The following IDE variants were observed in gnomAD, a reference collection of about 807,000 sequenced individuals.
The protein encoded by IDE is insulin-degrading enzyme.
A neutral mutation model predicts 133.2 loss-of-function variants in IDE; 58 were observed. The ratio of observed to expected loss-of-function variants is 0.44; its 90% CI spans 0.35 to 0.54. The LOEUF is 0.54. Ranked by LOEUF, IDE falls within the 20% of genes least tolerant of loss-of-function variation. The pLI is 0.00. For synonymous variants in IDE, 396 were observed against 421.3 expected (o/e 0.94, Z 0.73); for missense variants, 981 against 1,234.0 (o/e 0.79, Z 3.07).
Position 92,461,201 on chromosome 10 carries a change from T to C in IDE, c.2813A>G (p.Lys938Arg), listed in dbSNP as rs755423509. 11 of 1,406,472 alleles carry C rather than the reference T, an allele frequency of 7.8e-6. No homozygotes were observed. The Middle Eastern group carries it at 8.9e-4, about 113-fold the overall frequency. The allele number at this position is 1,406,472 out of a possible 1,614,324, so 87.1% of individuals were successfully genotyped here. A position where few individuals can be genotyped will look rare whatever the true frequency, so the allele number is the denominator to read the frequency against. Reference protein sequence around the residue: ...LKTLTKEDIIKFYKEMLAVDA... With the variant: ...LKTLTKEDIIRFYKEMLAVDA... The stretch of plus-strand genomic sequence containing the variant: ...ATGAATTTGACTTACCTTGTAGAAT[T>C]TGATGATATCTTCCTTGGTAAGTGT... Residue 938 changes from lysine to arginine, a missense_variant, in exon 22 of 25, where the codon AAA becomes AGA. By Grantham distance (26) the Lys-to-Arg change is conservative (BLOSUM62 2). Coordinates refer to ENST00000265986, the MANE Select transcript of IDE (RefSeq NM_004969.4).
At chr10:92,572,960 A>G (rs1297873094) in intron 1 of IDE, 2 of 985,208 alleles carry the variant, frequency 2.0e-6, no homozygotes, top group Non-Finnish European at 2.4e-6. Context: ...GCTCCAATCA[A>G]GTCAAAGTTC....
At position 92,490,544 on chromosome 10, in the gene IDE, C is replaced by G. The variant is rs375432951; in HGVS notation, c.1482G>C (p.Glu494Asp). ...SFEGKTDRTE[E>D]WYGTQYKQEA... Reference sequence around the variant, plus strand: ...CTTGTTTGTACTGGGTTCCATACCACTCTTCTGTGCGATCAGTTTTTCCTT... The same window carrying G: ...CTTGTTTGTACTGGGTTCCATACCAGTCTTCTGTGCGATCAGTTTTTCCTT... Residue 494 changes from glutamate (E) to aspartate (D), a missense_variant, in exon 12 of 25, where the codon GAG becomes GAC. Transcript: ENST00000265986. 1 of 1,613,330 alleles carries G rather than the reference C, an allele frequency of 6.2e-7. No homozygotes were observed. The highest frequency in any genetic ancestry group is 8.5e-7 in the Non-Finnish European group (1 of 1,179,402).
At chr10:92,573,707 C>G (rs1210769676) in intron 1 of IDE, among the ~76,000 whole-genome samples, 3 of 152,232 alleles carry the variant, frequency 2.0e-5, no homozygotes, top group Non-Finnish European at 4.4e-5. Context: ...GGGACGTCCC[C>G]GACTCTGGAC....
At chr10:92,489,416 G>A (rs1335551797) in intron 12 of IDE, among the ~76,000 whole-genome samples, 1 of 152,112 alleles carries the variant, frequency 6.6e-6, no homozygotes, top group African/African-American at 2.4e-5. Flanking sequence ...TGGGCGTGGT[G>A]GCATGCGCCT....
At chr10:92,506,644 T>A in intron 9 of IDE, 122 bp from the exon 10 acceptor site, 2 of 477,152 alleles carry the variant, frequency 4.2e-6, no homozygotes, top group Non-Finnish European at 7.5e-6. Context: ...TATCACACTT[T>A]CTGAAAAAAT....
chr10:92,572,576 C>G (rs1432309477), intron 1 of IDE, among the ~76,000 whole-genome samples: 1 of 152,194 alleles, frequency 6.6e-6, no homozygotes, highest in Non-Finnish European at 1.5e-5. Context: ...CCAGTTCCAT[C>G]AGATAACTTT....
intron 1 of IDE, among the ~76,000 whole-genome samples, chr10:92,541,104 C>A (rs1295813025): frequency 6.6e-6 from 1 of 152,076 alleles, no homozygotes; most frequent in Non-Finnish European, 1.5e-5. Context: ...TACAAAGGAT[C>A]AAGAAAAGCT....
In IDE at chr10:92,508,725, T is replaced by C. The variant is rs369247779; in HGVS notation, c.1060+3A>G. ...CTCAGAAGATGCTGCCCAGGAGACT[T>C]ACCCTTTGACTTAAGTTCTGATAAC... On this transcript the variant is annotated splice_donor_region_variant and intron_variant, in intron 7 of 24. Transcript: ENST00000265986. 9 of 1,613,600 alleles carry C rather than the reference T, an allele frequency of 5.6e-6. No individual in the cohort carries two copies. Among genetic ancestry groups the C allele is most frequent in the Admixed American group, 3.3e-5 (2 of 60,004 alleles).
chr10:92,475,183 C>A (rs1219118566), intron 16 of IDE, among the ~76,000 whole-genome samples: 3 of 152,182 alleles, frequency 2.0e-5, no homozygotes, highest in African/African-American at 7.2e-5. Flanking sequence ...TGTTCAGCAT[C>A]TGACATGGAC....
intron 1 of IDE, among the ~76,000 whole-genome samples, chr10:92,571,232 T>G (rs1187431713): frequency 7.9e-5 from 12 of 152,082 alleles, no homozygotes; most frequent in Admixed American, 3.9e-4. Flanking sequence ...CAGGCTGGTC[T>G]TGAACTCCTG....
At chr10:92,525,156 G>A (rs1232982570) in intron 4 of IDE, among the ~76,000 whole-genome samples, 14 of 151,586 alleles carry the variant, frequency 9.2e-5, no homozygotes, top group African/African-American at 3.2e-4. Flanking sequence ...GGGAGGCTGA[G>A]GCAAGAGAAT....
chr10:92,515,052 A>G lies in IDE; in HGVS notation c.662-10T>C, dbSNP rs17875327. The stretch of plus-strand genomic sequence containing the variant: ...AGAGTATATTTGTTACCTGGAAGGG[A>G]AGAAAAGGGATTTCTTAGAAAAAGC... On this transcript the variant is annotated splice_polypyrimidine_tract_variant and intron_variant, in intron 4 of 24. Coordinates refer to ENST00000265986, the MANE Select transcript of IDE (RefSeq NM_004969.4). 143,843 of 1,568,604 alleles carry G rather than the reference A, an allele frequency of 0.092. 7,869 individuals are homozygous for G. Among genetic ancestry groups the G allele is most frequent in the Non-Finnish European group, 0.1 (121,044 of 1,158,444 alleles).
intron 1 of IDE, among the ~76,000 whole-genome samples, chr10:92,557,553 G>A (rs1165755922): frequency 6.6e-6 from 1 of 151,420 alleles, no homozygotes; most frequent in Non-Finnish European, 1.5e-5. Context: ...CAGATTAATG[G>A]AACAGAACAG....
chr10:92,474,806 G>T lies in IDE; in HGVS notation c.2116+35C>A, dbSNP rs755726938. On this transcript the variant is annotated intron_variant, in intron 17 of 24. Coordinates refer to ENST00000265986, the MANE Select transcript of IDE (RefSeq NM_004969.4). ...ACCAAAATGAATTTAGGAAAAAAAT[G>T]AAGAAAGCATTAAGCTTTAAGTAGA... The T allele has an allele frequency of 5.1e-6, 8 of 1,575,878 alleles. No individual in the cohort carries two copies. In the African/African-American group the frequency reaches 1.1e-4, roughly 22 times the overall value.
chr10:92,556,115 G>A (rs1434278523), intron 1 of IDE, among the ~76,000 whole-genome samples: 2 of 141,526 alleles, frequency 1.4e-5, no homozygotes, highest in Admixed American at 1.5e-4. Context: ...AGAGCTTGCA[G>A]TGAGCCGAGA....
intron 11 of IDE, among the ~76,000 whole-genome samples, chr10:92,500,563 A>G (rs1847952024): frequency 6.6e-6 from 1 of 152,172 alleles, no homozygotes; most frequent in South Asian, 2.1e-4. Context: ...GCAGAGAGAA[A>G]AGGGAAGTTG....
intron 8 of IDE, 37 bp from the exon 9 acceptor site, chr10:92,507,703 C>T: frequency 9.1e-7 from 1 of 1,101,396 alleles, no homozygotes; most frequent in Non-Finnish European, 1.4e-6. Context: ...CCATTCAGTC[C>T]TTGAATCCTT....
At chr10:92,455,493 C>CA in intron 24 of IDE, 83 bp downstream of exon 24, 2 of 915,842 alleles carry the variant, frequency 2.2e-6, no homozygotes, top group Admixed American at 2.0e-5. Flanking sequence ...AAACAAAAAA[C>CA]AAAAAACAAA....
chr10:92,529,865 G>C (rs1849820645), intron 4 of IDE, among the ~76,000 whole-genome samples: 1 of 152,176 alleles, frequency 6.6e-6, no homozygotes, highest in African/African-American at 2.4e-5. Context: ...CTCCCAAAGA[G>C]GAGCTCCAAC....
Sources: allele counts gnomAD v4.1 joint callset (sites outside exome capture counted in the v4.1 genomes callset), GRCh38; gene constraint gnomAD v4.1.1; transcripts MANE v1.5; gene names NCBI Gene and HGNC (gene_info 2026-07-23, HGNC 2026-07-21).